AKAP9: variants seen among roughly 807,000 people sequenced by gnomAD.
AKAP9 encodes A-kinase anchoring protein 9.
A neutral mutation model predicts 488.5 loss-of-function variants in AKAP9; 311 were observed. The ratio of observed to expected loss-of-function variants is 0.64; its 90% CI spans 0.58 to 0.70. AKAP9 has a LOEUF of 0.70. Ranked by LOEUF, AKAP9 falls within the 30% of genes least tolerant of loss-of-function variation. The pLI, the probability that AKAP9 is intolerant of heterozygous loss-of-function variation, is 0.00. For synonymous variants in AKAP9, 1,462 were observed against 1,483.5 expected, an observed-to-expected ratio of 0.99 and a Z score of 0.33; for missense variants, 4,215 against 4,374.5, an observed-to-expected ratio of 0.96 and a Z score of 1.03.
rs199527737 is a variant in AKAP9 at position 92,105,709 on chromosome 7, G to C, written c.11362G>C (p.Val3788Leu). ...MKFLVRRWHRVTGSVSININR... is the reference protein window; with the variant it reads ...MKFLVRRWHRLTGSVSININR... ...ATTTTTGGTTCGACGGTGGCATCGA[G>C]TCACAGGTTCTGTTTCCATCAATAT... The change falls in exon 47 of 50, where the codon GTC becomes CTC. Residue 3788 changes from valine (V) to leucine (L), a missense_variant. By Grantham distance (32) the Val-to-Leu change is conservative. Transcript: ENST00000356239. 100 of 1,614,082 alleles carry C rather than the reference G, an allele frequency of 6.2e-5. No homozygotes were observed. The highest frequency in any genetic ancestry group is 1.0e-4 in the Admixed American group (6 of 60,002).
chr7:92,053,097 A>G (rs1284785644), intron 22 of AKAP9, 139 bp downstream of exon 22: 1 of 708,380 alleles, frequency 1.4e-6, no homozygotes, highest in Non-Finnish European at 2.5e-6. Flanking sequence ...CATCTTAATT[A>G]TCCCTTTGGT....
chr7:92,008,643 G>T (rs535958135), intron 8 of AKAP9, among the ~76,000 whole-genome samples: 1 of 150,434 alleles, frequency 6.6e-6, no homozygotes, highest in Admixed American at 6.6e-5. Flanking sequence ...AGCCAAGATC[G>T]CATCACTGCA....
chr7:92,006,944 G>A (rs1214491068), intron 8 of AKAP9, among the ~76,000 whole-genome samples: 1 of 152,160 alleles, frequency 6.6e-6, no homozygotes, highest in Non-Finnish European at 1.5e-5. Flanking sequence ...AGCTCCTTGA[G>A]AACAGGGACC....
chr7:92,000,345 C>G (rs576126582), intron 7 of AKAP9, among the ~76,000 whole-genome samples: 46 of 152,254 alleles, frequency 3.0e-4, no homozygotes, highest in South Asian at 1.9e-3. Context: ...TAAGACAGAC[C>G]GTTAGGAGTC....
chr7:92,041,064 C>T, intron 18 of AKAP9, 166 bp downstream of exon 18: 1 of 623,148 alleles, frequency 1.6e-6, no homozygotes, highest in Non-Finnish European at 2.8e-6. Flanking sequence ...CAGGAACACA[C>T]TCTATACTAA....
At chr7:92,026,000 T>C (rs1803050254) in intron 14 of AKAP9, among the ~76,000 whole-genome samples, 1 of 152,210 alleles carries the variant, frequency 6.6e-6, no homozygotes, top group Non-Finnish European at 1.5e-5. Context: ...TCACTGCACA[T>C]CTGTAATACT....
intron 47 of AKAP9, among the ~76,000 whole-genome samples, chr7:92,107,055 G>C (rs1291658746): frequency 6.6e-6 from 1 of 152,106 alleles, no homozygotes; most frequent in African/African-American, 2.4e-5. Flanking sequence ...AATTTTCTTT[G>C]AGACATAATT....
intron 1 of AKAP9, 115 bp from the exon 2 acceptor site, chr7:91,973,596 T>C: frequency 8.8e-7 from 1 of 1,137,432 alleles, no homozygotes; most frequent in Non-Finnish European, 1.3e-6. Context: ...TATTTTTTCA[T>C]TTTTATTTAG....
chr7:91,957,974 AT>A (rs1343137942), intron 1 of AKAP9, among the ~76,000 whole-genome samples: 1 of 152,068 alleles, frequency 6.6e-6, no homozygotes, highest in Non-Finnish European at 1.5e-5. Flanking sequence ...ATATGCAGAG[AT>A]TATGATCCCA....
At chr7:91,983,457 GA>G (rs1796686170) in intron 3 of AKAP9, among the ~76,000 whole-genome samples, 1 of 152,128 alleles carries the variant, frequency 6.6e-6, no homozygotes, top group Admixed American at 6.5e-5. Flanking sequence ...ATCATTGATG[GA>G]CATTTGGGTT....
intron 16 of AKAP9, among the ~76,000 whole-genome samples, chr7:92,035,685 A>G (rs942798275): frequency 1.3e-5 from 2 of 152,192 alleles, no homozygotes; most frequent in South Asian, 2.1e-4. Flanking sequence ...CTTCTTTCCC[A>G]TACAAATCAC....
At chr7:91,969,724 CT>C (rs1794824722) in intron 1 of AKAP9, among the ~76,000 whole-genome samples, 1 of 152,110 alleles carries the variant, frequency 6.6e-6, no homozygotes, top group African/African-American at 2.4e-5. Context: ...AGTATAGCTA[CT>C]CCTGTTCTTT....
chr7:91,968,855 A>T (rs953212662), intron 1 of AKAP9, among the ~76,000 whole-genome samples: 1 of 151,942 alleles, frequency 6.6e-6, no homozygotes, highest in Non-Finnish European at 1.5e-5. Flanking sequence ...TTTGTCCTTC[A>T]GGATTATGTT....
intron 31 of AKAP9, among the ~76,000 whole-genome samples, chr7:92,081,497 A>ATATTT (rs1370452281): frequency 2.3e-5 from 2 of 85,378 alleles, no homozygotes; most frequent in Admixed American, 1.4e-4. Context: ...ATATATATAT[A>ATATTT]TTTTTTTTTT....
At chr7:92,009,395 A>G (rs760789365) in intron 8 of AKAP9, among the ~76,000 whole-genome samples, 2 of 152,242 alleles carry the variant, frequency 1.3e-5, no homozygotes, top group East Asian at 1.9e-4. Flanking sequence ...CTGGAAGAAT[A>G]TAAACTACCA....
At chr7:92,086,601 G>A (rs1584494219) in intron 37 of AKAP9, among the ~76,000 whole-genome samples, 185 bp downstream of exon 37, 1 of 152,216 alleles carries the variant, frequency 6.6e-6, no homozygotes, top group East Asian at 1.9e-4. Context: ...AAGTTAATGA[G>A]CTTATTTTCT....
In AKAP9 at chr7:92,082,541, A is replaced by T. The variant is rs1034154945; in HGVS notation, c.8039A>T (p.His2680Leu). The change falls in exon 32 of 50, where the codon CAT becomes CTT. Residue 2680 changes from histidine to leucine, a missense_variant. His to Leu is a moderately conservative substitution (Grantham distance 99). Transcript: ENST00000356239. ...EVLKTTTELF[H>L]SNEESGFFNE... ...ATTCAGACAACTACTGAGCTATTTCATAGCAATGAAGAAAGTGGATTTTTT... is the reference window on the plus strand; with the variant it reads ...ATTCAGACAACTACTGAGCTATTTCTTAGCAATGAAGAAAGTGGATTTTTT... 1 of 1,613,816 alleles carries T rather than the reference A, an allele frequency of 6.2e-7. No individual in the cohort carries two copies. Among genetic ancestry groups the T allele is most frequent in the Non-Finnish European group, 8.5e-7 (1 of 1,179,802 alleles).
rs1219856410 is a variant in AKAP9 at position 92,002,407 on chromosome 7, G to A, written c.2490G>A (p.Glu830=). The change falls in exon 8 of 50, where the codon GAG becomes GAA. Residue 830 remains glutamate (E), a synonymous_variant. Coordinates refer to ENST00000356239, the MANE Select transcript of AKAP9 (RefSeq NM_005751.5). ...KEIEILIEEN[E]DLKQQCIQLN... ...TAGAAATACTTATAGAGGAAAATGAGGACCTCAAACAACAATGTATTCAGC... is the reference window on the plus strand; with the variant it reads ...TAGAAATACTTATAGAGGAAAATGAAGACCTCAAACAACAATGTATTCAGC... 6.2e-7 allele frequency: 1 copy of A among 1,609,972 alleles called. No homozygotes were observed. Among genetic ancestry groups the A allele is most frequent in the Non-Finnish European group, 8.5e-7 (1 of 1,178,736 alleles).
chr7:92,086,915 GAC>G (rs1228428359), intron 37 of AKAP9, among the ~76,000 whole-genome samples: 1 of 152,138 alleles, frequency 6.6e-6, no homozygotes, highest in African/African-American at 2.4e-5. Context: ...AAACTTGTCT[GAC>G]ACACATATTT....
Sources: gnomAD v4.1 joint callset for allele counts (sites outside exome capture counted in the v4.1 genomes callset) on GRCh38, gnomAD v4.1.1 for gene constraint, MANE v1.5 for transcripts, NCBI Gene and HGNC (gene_info 2026-07-23, HGNC 2026-07-21) for gene names.